TOX: variants seen among roughly 807,000 people sequenced by gnomAD.
The protein encoded by TOX is thymocyte selection-associated high mobility group box protein TOX.
In TOX, 11 loss-of-function variants were observed where a neutral mutation model predicts 53.7. That is an observed-to-expected ratio of 0.20 (90% CI 0.13 to 0.34). The LOEUF is 0.34. Ranked by LOEUF, TOX falls within the 10% of genes least tolerant of loss-of-function variation. TOX has a pLI of 1.00. For missense variants in TOX, 570 were observed against 664.6 expected (o/e 0.86, Z 1.56); for synonymous variants, 225 against 245.3 (o/e 0.92, Z 0.77).
chr8:58,897,906 T>C (rs1811679242), intron 3 of TOX, among the ~76,000 whole-genome samples: 1 of 152,178 alleles, frequency 6.6e-6, no homozygotes, highest in South Asian at 2.1e-4. Flanking sequence ...ATTTTTTAAT[T>C]AAAGTTTTTC....
chr8:59,118,982 G>T lies in TOX; in HGVS notation c.6C>A (p.Asp2Glu), dbSNP rs1459678466. The change falls in exon 1 of 9, where the codon GAC becomes GAA. Residue 2 changes from aspartate (D) to glutamate (E), a missense_variant. Physicochemically the swap from Asp to Glu is conservative, Grantham distance 45. Coordinates refer to ENST00000361421, the MANE Select transcript of TOX (RefSeq NM_014729.3). The surrounding 1 kb of genome is among the most constrained non-coding windows in gnomAD (Gnocchi z 4.1). ...GGGCTGGAGGTGGATAAAATCTTACGTCCATTTCACTCTCACATCAAGCAA... is the reference window on the plus strand; with the variant it reads ...GGGCTGGAGGTGGATAAAATCTTACTTCCATTTCACTCTCACATCAAGCAA... Reference protein sequence around the residue: MDVRFYPPPAQP... With the variant: MEVRFYPPPAQP... 2 of 1,600,454 alleles carry T rather than the reference G, an allele frequency of 1.2e-6. No homozygotes were observed. The highest frequency in any genetic ancestry group is 1.7e-6 in the Non-Finnish European group (2 of 1,171,826).
chr8:59,104,198 C>T (rs567698830), intron 1 of TOX, among the ~76,000 whole-genome samples: 1 of 152,288 alleles, frequency 6.6e-6, no homozygotes, highest in African/African-American at 2.4e-5. Context: ...CCCCAACTTT[C>T]CCCAGCACAT....
intron 1 of TOX, among the ~76,000 whole-genome samples, chr8:59,116,229 A>T (rs962955814): frequency 2.0e-4 from 30 of 152,206 alleles, no homozygotes; most frequent in African/African-American, 6.8e-4. Context: ...TGATCTTATC[A>T]CCCTATTAAA....
At chr8:58,950,884 G>C (rs1216482138) in intron 2 of TOX, among the ~76,000 whole-genome samples, 1 of 152,140 alleles carries the variant, frequency 6.6e-6, no homozygotes, top group East Asian at 1.9e-4. Context: ...AGGAATCACT[G>C]CTCTGCATCA....
chr8:58,996,904 T>C (rs1813570119), intron 1 of TOX, among the ~76,000 whole-genome samples: 1 of 152,140 alleles, frequency 6.6e-6, no homozygotes, highest in Non-Finnish European at 1.5e-5. Flanking sequence ...GCCAAGACAG[T>C]CCCCATTTCA....
At chr8:58,922,307 C>T (rs369218387) in intron 3 of TOX, among the ~76,000 whole-genome samples, 8 of 152,210 alleles carry the variant, frequency 5.3e-5, no homozygotes, top group Admixed American at 2.0e-4. Flanking sequence ...TAAGACGTAA[C>T]GTATATTTTA....
At chr8:58,935,236 C>A (rs771129289) in intron 3 of TOX, among the ~76,000 whole-genome samples, 1 of 151,976 alleles carries the variant, frequency 6.6e-6, no homozygotes, top group Non-Finnish European at 1.5e-5. Context: ...TAAAACATCA[C>A]AATAACATCT....
chr8:58,977,376 G>A (rs1268488179), intron 1 of TOX, among the ~76,000 whole-genome samples: 1 of 152,184 alleles, frequency 6.6e-6, no homozygotes, highest in Non-Finnish European at 1.5e-5. Context: ...ATTAGGCCTT[G>A]GTTTAAGGGA....
chr8:58,817,165 G>T (rs1169679481), intron 6 of TOX, among the ~76,000 whole-genome samples: 1 of 152,064 alleles, frequency 6.6e-6, no homozygotes, highest in South Asian at 2.1e-4. Flanking sequence ...ATAAAGTAAG[G>T]TGTACTGAAA....
intron 1 of TOX, among the ~76,000 whole-genome samples, chr8:59,065,919 C>T (rs1393423299): frequency 6.6e-6 from 1 of 152,200 alleles, no homozygotes; most frequent in Non-Finnish European, 1.5e-5. Context: ...GAATAACATG[C>T]GTCCATGATT....
At chr8:58,993,420 A>G (rs1430156705) in intron 1 of TOX, among the ~76,000 whole-genome samples, 1 of 152,230 alleles carries the variant, frequency 6.6e-6, no homozygotes, top group Non-Finnish European at 1.5e-5. Flanking sequence ...TGGCAGAAGG[A>G]TGAACCTGTC....
At chr8:58,997,771 T>C (rs975276029) in intron 1 of TOX, among the ~76,000 whole-genome samples, 3 of 152,192 alleles carry the variant, frequency 2.0e-5, no homozygotes, top group African/African-American at 7.2e-5. Flanking sequence ...ATTATACATT[T>C]GGAAACCGCT....
chr8:58,919,103 T>C (rs1812029186), intron 3 of TOX, among the ~76,000 whole-genome samples: 1 of 151,248 alleles, frequency 6.6e-6, no homozygotes, highest in African/African-American at 2.4e-5. Flanking sequence ...GTAGGAAGAA[T>C]CAATATTGTG....
chr8:59,046,858 C>CAAAAAAAAAAAAAA (rs34869193), intron 1 of TOX, among the ~76,000 whole-genome samples: 12 of 77,908 alleles, frequency 1.5e-4, no homozygotes, highest in Non-Finnish European at 1.9e-4. Flanking sequence ...GACTATGTCT[C>CAAAAAAAAAAAAAA]AAAAAAAAAA....
At chr8:59,029,820 T>C (rs1173203457) in intron 1 of TOX, among the ~76,000 whole-genome samples, 1 of 152,186 alleles carries the variant, frequency 6.6e-6, no homozygotes, top group Non-Finnish European at 1.5e-5. Flanking sequence ...CAACCCATTA[T>C]ATGAAATTTA....
chr8:59,115,028 A>G (rs1805078153), intron 1 of TOX, among the ~76,000 whole-genome samples: 1 of 152,122 alleles, frequency 6.6e-6, no homozygotes. Flanking sequence ...CCTCATTTCA[A>G]TGATAAAAGC....
intron 1 of TOX, among the ~76,000 whole-genome samples, chr8:59,011,528 G>A (rs2129418747): frequency 6.6e-6 from 1 of 152,296 alleles, no homozygotes; most frequent in Middle Eastern, 3.4e-3. Flanking sequence ...GCTTTTTCAA[G>A]TGTCCAGCAA....
intron 1 of TOX, among the ~76,000 whole-genome samples, chr8:59,072,270 C>T (rs1804210439): frequency 6.6e-6 from 1 of 152,188 alleles, no homozygotes; most frequent in Non-Finnish European, 1.5e-5. Flanking sequence ...TTGTATCTTT[C>T]CTTGACCATC....
chr8:59,015,326 A>G lies in TOX; in HGVS notation c.103-55318T>C, dbSNP rs140510959. On this transcript the variant is annotated intron_variant, in intron 1 of 8. Coordinates refer to ENST00000361421, the MANE Select transcript of TOX (RefSeq NM_014729.3). ...GAGGATGCCAAATTAAATTACAGAG[A>G]TTTCTCAAACATATAGCTGAATAAT... Among the ~76,000 whole-genome samples, 9 of 152,348 alleles carry G rather than the reference A, an allele frequency of 5.9e-5. 1 individual carries two copies. The highest frequency in any genetic ancestry group is 1.7e-4 in the African/African-American group (7 of 41,576).
Sources: allele counts gnomAD v4.1 joint callset (sites outside exome capture counted in the v4.1 genomes callset), GRCh38; gene constraint gnomAD v4.1.1; non-coding constraint Gnocchi (gnomAD v3.1); transcripts MANE v1.5; gene names NCBI Gene and HGNC (gene_info 2026-07-23, HGNC 2026-07-21).